Variants in ENTREP2 observed in about 807,000 individuals in gnomAD.
The protein encoded by ENTREP2 is endosomal transmembrane epsin interactor 2, also known as protein ENTREP2.
the ENTREP2 span, among the ~76,000 whole-genome samples, chr15:29,668,218 G>A: frequency 6.6e-6 from 1 of 152,172 alleles, no homozygotes; most frequent in East Asian, 1.9e-4. Context: ...CAGGCCGCTC[G>A]GGCCTCTAGG....
the ENTREP2 span, among the ~76,000 whole-genome samples, chr15:29,463,809 T>C: frequency 6.6e-6 from 1 of 152,156 alleles, no homozygotes; most frequent in African/African-American, 2.4e-5. Flanking sequence ...ATAACATAAG[T>C]GTCCATCAAT....
At chr15:29,514,614 A>T in the ENTREP2 span, among the ~76,000 whole-genome samples, 1 of 152,186 alleles carries the variant, frequency 6.6e-6, no homozygotes, top group Non-Finnish European at 1.5e-5. Flanking sequence ...TTTCCTCTGC[A>T]GCCCTCTGTC....
chr15:29,674,985 G>C, the ENTREP2 span: 1 of 153,050 alleles, frequency 6.5e-6, no homozygotes, highest in Non-Finnish European at 1.5e-5. Context: ...CGCCACCCCG[G>C]ACTCAGAACC....
chr15:29,522,858 G>T, the ENTREP2 span, among the ~76,000 whole-genome samples: 1 of 152,250 alleles, frequency 6.6e-6, no homozygotes. Flanking sequence ...AACAGTTGAA[G>T]GTGATCATTA....
chr15:29,239,724 C>G, the ENTREP2 span, among the ~76,000 whole-genome samples: 2,325 of 152,244 alleles, frequency 0.015, 80 homozygotes, highest in African/African-American at 0.053. Context: ...GTAAGCACAA[C>G]AGAAATCATT....
chr15:29,195,165 C>T, the ENTREP2 span: 1 of 985,424 alleles, frequency 1.0e-6, no homozygotes, highest in Non-Finnish European at 1.2e-6. Flanking sequence ...ATTCCTCCAA[C>T]CCCGCTGCAT....
At chr15:29,656,022 T>TTA in the ENTREP2 span, among the ~76,000 whole-genome samples, 1 of 100,400 alleles carries the variant, frequency 1.0e-5, no homozygotes, top group South Asian at 3.5e-4. Context: ...ACACTCCGTT[T>TTA]AAAAAAAAAA....
chr15:29,479,039 CAA>C, the ENTREP2 span, among the ~76,000 whole-genome samples: 487 of 102,140 alleles, frequency 4.8e-3, 5 homozygotes, highest in Middle Eastern at 0.029. Context: ...CTAAAAAATA[CAA>C]AAAAAAAAAA....
chr15:29,556,754 A>C, the ENTREP2 span, among the ~76,000 whole-genome samples: 7 of 101,254 alleles, frequency 6.9e-5, no homozygotes, highest in Admixed American at 1.4e-4. Context: ...CTTCAGCCCC[A>C]TGCAGGTGCC....
At chr15:29,234,485 A>G in the ENTREP2 span, 2 of 1,451,556 alleles carry the variant, frequency 1.4e-6, no homozygotes, top group Non-Finnish European at 1.9e-6. Flanking sequence ...CCTATCATAT[A>G]TTTGTACTGA....
chr15:29,582,333 T>C, the ENTREP2 span, among the ~76,000 whole-genome samples: 1 of 152,032 alleles, frequency 6.6e-6, no homozygotes, highest in Non-Finnish European at 1.5e-5. Flanking sequence ...ATGGACGGAC[T>C]TACATGTAAA....
the ENTREP2 span, chr15:29,570,706 G>A: frequency 3.6e-6 from 4 of 1,101,758 alleles, no homozygotes; most frequent in African/African-American, 3.3e-5. Context: ...GCGCTCGGGG[G>A]CCGCCGGCCG....
chr15:29,172,619 G>A, the ENTREP2 span, among the ~76,000 whole-genome samples: 2 of 152,092 alleles, frequency 1.3e-5, no homozygotes. Flanking sequence ...GAGGACAATA[G>A]GAACACAGGG....
the ENTREP2 span, among the ~76,000 whole-genome samples, chr15:29,308,277 G>GAGGCA: frequency 6.6e-6 from 1 of 152,340 alleles, no homozygotes; most frequent in South Asian, 2.1e-4. Context: ...TCAGCAGGCT[G>GAGGCA]AGGCAGGAGA....
the ENTREP2 span, among the ~76,000 whole-genome samples, chr15:29,416,731 T>C: frequency 6.6e-6 from 1 of 152,008 alleles, no homozygotes; most frequent in South Asian, 2.1e-4. Flanking sequence ...TGGGAGAAAA[T>C]TTTTGCAATC....
At chr15:29,269,010 G>A in the ENTREP2 span, 14 of 1,614,024 alleles carry the variant, frequency 8.7e-6, no homozygotes, top group Admixed American at 1.7e-5. Flanking sequence ...GGTATTCCAG[G>A]TAACGCTGTC....
At chr15:29,304,216 A>C in the ENTREP2 span, among the ~76,000 whole-genome samples, 1 of 152,124 alleles carries the variant, frequency 6.6e-6, no homozygotes, top group Admixed American at 6.5e-5. Flanking sequence ...CTCCACTGAA[A>C]ATATTGAACA....
chr15:29,513,897 A>G, the ENTREP2 span, among the ~76,000 whole-genome samples: 2 of 152,208 alleles, frequency 1.3e-5, no homozygotes, highest in Non-Finnish European at 2.9e-5. Flanking sequence ...GTTCTTGACC[A>G]TCCGTGAACA....
the ENTREP2 span, among the ~76,000 whole-genome samples, chr15:29,604,998 G>A: frequency 6.6e-6 from 1 of 152,190 alleles, no homozygotes; most frequent in East Asian, 1.9e-4. Flanking sequence ...TTCAAAGGCA[G>A]GCTAACCTCA....
Sources: gnomAD v4.1 joint callset for allele counts (sites outside exome capture counted in the v4.1 genomes callset) on GRCh38, gnomAD v4.1.1 for gene constraint, MANE v1.5 for transcripts, NCBI Gene and HGNC (gene_info 2026-07-23, HGNC 2026-07-21) for gene names.